The following EBF2 variants were observed in gnomAD, a reference collection of about 807,000 sequenced individuals.
EBF2 encodes the protein EBF transcription factor 2, also known as transcription factor COE2.
In EBF2, 21 loss-of-function variants were observed where a neutral mutation model predicts 72.8. That is an observed-to-expected ratio of 0.29 (90% CI 0.20 to 0.42). The LOEUF (loss-of-function observed/expected upper bound fraction) is 0.42. EBF2 is among the 10% of genes least tolerant of loss of function. The pLI is 1.00. For missense variants in EBF2, 637 were observed against 731.2 expected, an observed-to-expected ratio of 0.87 and a Z score of 1.49; for synonymous variants, 299 against 274.2, an observed-to-expected ratio of 1.09 and a Z score of -0.89.
intron 6 of EBF2, among the ~76,000 whole-genome samples, chr8:25,993,734 G>A (rs1191973206): frequency 1.3e-5 from 2 of 151,884 alleles, no homozygotes; most frequent in African/African-American, 4.8e-5. Context: ...ATTAAAAAAT[G>A]TAATACAGTA....
intron 6 of EBF2, among the ~76,000 whole-genome samples, chr8:25,977,547 T>C (rs901603201): frequency 6.6e-6 from 1 of 152,038 alleles, no homozygotes; most frequent in Non-Finnish European, 1.5e-5. Context: ...AGAAGGTAAG[T>C]AGAAGAGCAA....
rs115142364 is a variant in EBF2 at position 26,003,875 on chromosome 8, T to G, written c.551+29210A>C. On this transcript the variant is annotated intron_variant, in intron 6 of 15. Transcript: ENST00000520164. ...CTCTGGCGAAGCACCAGGAGGACAA[T>G]TAGGGATTAACCAAAGTGCTCGCTC... Among the ~76,000 whole-genome samples the G allele has an allele frequency of 1.7e-3, 252 of 152,178 alleles. 1 individual carries two copies. Among genetic ancestry groups the G allele is most frequent in the African/African-American group, 4.4e-3 (181 of 41,522 alleles).
At chr8:25,854,187 G>T (rs957670465) in intron 14 of EBF2, among the ~76,000 whole-genome samples, 2 of 147,962 alleles carry the variant, frequency 1.4e-5, no homozygotes, top group Non-Finnish European at 3.0e-5. Flanking sequence ...ATTTAAGGCT[G>T]TACTACTTAT....
intron 7 of EBF2, among the ~76,000 whole-genome samples, chr8:25,901,066 A>G (rs1802943492): frequency 6.6e-6 from 1 of 152,182 alleles, no homozygotes; most frequent in Non-Finnish European, 1.5e-5. Flanking sequence ...TACACATTCA[A>G]TGCATGCAAC....
intron 6 of EBF2, among the ~76,000 whole-genome samples, chr8:25,916,671 CT>C: frequency 6.6e-6 from 1 of 152,106 alleles, no homozygotes; most frequent in Non-Finnish European, 1.5e-5. Context: ...CATTAATCCA[CT>C]CTCACAGATA....
chr8:25,952,087 G>A (rs1175730908), intron 6 of EBF2, among the ~76,000 whole-genome samples: 1 of 152,134 alleles, frequency 6.6e-6, no homozygotes, highest in Non-Finnish European at 1.5e-5. Context: ...GAGGCCAGGA[G>A]TTCCAGGCCA....
At chr8:26,018,034 A>G (rs1006358246) in intron 6 of EBF2, among the ~76,000 whole-genome samples, 4 of 152,038 alleles carry the variant, frequency 2.6e-5, no homozygotes, top group Admixed American at 1.3e-4. Flanking sequence ...GGTACTTCAT[A>G]GAAGGAAAAA....
At chr8:25,845,736 C>A (rs1191193039) in intron 15 of EBF2, among the ~76,000 whole-genome samples, 3 of 152,136 alleles carry the variant, frequency 2.0e-5, no homozygotes, top group Admixed American at 6.6e-5. Context: ...AGGATAAGCC[C>A]GTGGGATTTT....
chr8:26,016,212 G>A (rs373953136), intron 6 of EBF2, among the ~76,000 whole-genome samples: 19 of 152,128 alleles, frequency 1.2e-4, no homozygotes, highest in African/African-American at 2.2e-4. Flanking sequence ...ATAGAGCAGC[G>A]ATTCATTCAT....
chr8:25,866,038 T>A (rs529487832), intron 10 of EBF2, among the ~76,000 whole-genome samples: 2 of 150,414 alleles, frequency 1.3e-5, no homozygotes, highest in South Asian at 4.2e-4. Context: ...AAAAAAAAAA[T>A]CTTAACTGAA....
chr8:25,963,417 T>G (rs1344298647), intron 6 of EBF2, among the ~76,000 whole-genome samples: 1 of 152,182 alleles, frequency 6.6e-6, no homozygotes, highest in Non-Finnish European at 1.5e-5. Context: ...TCTTCCCGAG[T>G]GCCAGCAGGT....
At chr8:25,900,488 G>C (rs1802934161) in intron 7 of EBF2, among the ~76,000 whole-genome samples, 1 of 152,064 alleles carries the variant, frequency 6.6e-6, no homozygotes, top group South Asian at 2.1e-4. Flanking sequence ...AAATATATCT[G>C]TCTTTCCATA....
At chr8:25,999,623 G>A (rs1319318888) in intron 6 of EBF2, among the ~76,000 whole-genome samples, 1 of 147,690 alleles carries the variant, frequency 6.8e-6, no homozygotes, top group African/African-American at 2.5e-5. Flanking sequence ...TTTTACTCTG[G>A]ATCTTGTCTT....
chr8:25,989,859 G>A (rs1186820875), intron 6 of EBF2, among the ~76,000 whole-genome samples: 3 of 152,184 alleles, frequency 2.0e-5, no homozygotes, highest in African/African-American at 7.2e-5. Context: ...CAGCAAGGCA[G>A]CCTCACCAGG....
intron 6 of EBF2, among the ~76,000 whole-genome samples, chr8:25,976,596 C>CTCA (rs1804272279): frequency 6.6e-6 from 1 of 152,056 alleles, no homozygotes; most frequent in Admixed American, 6.6e-5. Context: ...GTTTGCAATG[C>CTCA]TCATGCCTTT....
intron 6 of EBF2, among the ~76,000 whole-genome samples, chr8:25,959,095 T>A (rs891610576): frequency 1.3e-5 from 2 of 152,184 alleles, no homozygotes; most frequent in Non-Finnish European, 2.9e-5. Context: ...AGTGGAGGAA[T>A]GGCCATTCCA....
chr8:26,032,733 G>T (rs996105764), intron 6 of EBF2: 1 of 199,220 alleles, frequency 5.0e-6, no homozygotes, highest in Non-Finnish European at 1.0e-5. Context: ...AATAAAGTGG[G>T]TGCCACTTAA....
At chr8:26,041,463 G>C (rs1805599737) in intron 2 of EBF2, 1 of 184,980 alleles carries the variant, frequency 5.4e-6, no homozygotes, top group Non-Finnish European at 1.1e-5. Context: ...CTGAGTTCCA[G>C]GTTCAGGAGG....
At chr8:25,999,202 T>G (rs980207551) in intron 6 of EBF2, among the ~76,000 whole-genome samples, 1 of 152,158 alleles carries the variant, frequency 6.6e-6, no homozygotes, top group Non-Finnish European at 1.5e-5. Context: ...GCCAAACTGT[T>G]ATTAAATTGT....
Sources: allele counts gnomAD v4.1 joint callset (sites outside exome capture counted in the v4.1 genomes callset), GRCh38; gene constraint gnomAD v4.1.1; transcripts MANE v1.5; gene names NCBI Gene and HGNC (gene_info 2026-07-23, HGNC 2026-07-21).